Variants in ELF1 observed in about 807,000 individuals in gnomAD.
The protein encoded by ELF1 is E74 like ETS transcription factor 1.
A neutral mutation model predicts 59.9 loss-of-function variants in ELF1; 24 were observed. The observed-to-expected ratio is 0.40, with a 90% CI of 0.29 to 0.56. ELF1 has a LOEUF of 0.56. Ranked by LOEUF, ELF1 falls within the 20% of genes least tolerant of loss-of-function variation. ELF1 has a pLI of 0.44. For synonymous variants in ELF1, 248 were observed against 266.2 expected (o/e 0.93, Z 0.67); for missense variants, 627 against 742.2 (o/e 0.84, Z 1.80).
At chr13:41,049,852 T>C (rs893392242) in intron 1 of ELF1, among the ~76,000 whole-genome samples, 3 of 152,210 alleles carry the variant, frequency 2.0e-5, no homozygotes, top group Non-Finnish European at 4.4e-5. Flanking sequence ...CCCACTAAAC[T>C]GCAAGCTTCA....
chr13:40,958,027 TG>T (rs1250636100), intron 3 of ELF1, among the ~76,000 whole-genome samples: 1 of 152,270 alleles, frequency 6.6e-6, no homozygotes, highest in Non-Finnish European at 1.5e-5. Context: ...TGCCTATTTC[TG>T]ATAAACTTTC....
chr13:40,988,839 C>T (rs900049514), intron 1 of ELF1, among the ~76,000 whole-genome samples: 5 of 152,140 alleles, frequency 3.3e-5, no homozygotes, highest in Non-Finnish European at 5.9e-5. Flanking sequence ...CTTGCTCTAT[C>T]GCTTAGGCTG....
intron 1 of ELF1, among the ~76,000 whole-genome samples, chr13:40,984,084 C>T (rs932177821): frequency 2.0e-5 from 3 of 152,178 alleles, no homozygotes; most frequent in Non-Finnish European, 2.9e-5. Flanking sequence ...ACTGTGTCCC[C>T]TTAATTCAAC....
At chr13:40,987,499 T>C (rs1467004751) in intron 1 of ELF1, among the ~76,000 whole-genome samples, 3 of 148,548 alleles carry the variant, frequency 2.0e-5, no homozygotes, top group Admixed American at 6.7e-5. Flanking sequence ...GGCAGGAGAA[T>C]TGCTTGAACC....
intron 1 of ELF1, among the ~76,000 whole-genome samples, chr13:41,058,420 C>G (rs1172570531): frequency 6.6e-6 from 1 of 152,186 alleles, no homozygotes; most frequent in East Asian, 1.9e-4. Flanking sequence ...CTTCTCCAGT[C>G]CTCTCCCTTG....
intron 1 of ELF1, 124 bp downstream of exon 1, chr13:41,019,102 CCA>C (rs1875582123): frequency 1.3e-6 from 1 of 776,148 alleles, no homozygotes; most frequent in African/African-American, 1.9e-5. Context: ...ATGTGACTGA[CCA>C]CACACATTTT....
At chr13:40,981,931 T>C (rs914256333) in intron 2 of ELF1, 52 bp downstream of exon 2, 14 of 1,572,268 alleles carry the variant, frequency 8.9e-6, no homozygotes, top group Non-Finnish European at 1.2e-5. Context: ...CTGATATGAA[T>C]AGAAAAATCA....
chr13:40,960,548 G>C (rs1029484154), intron 2 of ELF1, among the ~76,000 whole-genome samples: 2 of 152,028 alleles, frequency 1.3e-5, no homozygotes, highest in African/African-American at 4.8e-5. Context: ...TCATGTCAGG[G>C]GGTCCAAAAT....
chr13:41,039,966 A>G (rs1451660540), intron 1 of ELF1, among the ~76,000 whole-genome samples: 1 of 152,228 alleles, frequency 6.6e-6, no homozygotes, highest in Non-Finnish European at 1.5e-5. Context: ...CTCAGAGCAG[A>G]AAAACAATGC....
chr13:40,984,573 T>C (rs1873455302), intron 1 of ELF1, among the ~76,000 whole-genome samples: 1 of 152,094 alleles, frequency 6.6e-6, no homozygotes, highest in Non-Finnish European at 1.5e-5. Flanking sequence ...GTTCAATAAA[T>C]AAATATCATT....
chr13:40,963,900 C>T (rs1056676944), intron 2 of ELF1, among the ~76,000 whole-genome samples: 8 of 150,654 alleles, frequency 5.3e-5, no homozygotes, highest in African/African-American at 1.9e-4. Flanking sequence ...AGCAAGACTC[C>T]GTCTCAAAAA....
At chr13:41,059,158 A>T (rs974701468) in intron 1 of ELF1, among the ~76,000 whole-genome samples, 5 of 152,270 alleles carry the variant, frequency 3.3e-5, no homozygotes, top group Admixed American at 3.3e-4. Flanking sequence ...TCTATTCAGG[A>T]ATCGCTCAAC....
chr13:41,037,795 CA>C (rs796346659), intron 1 of ELF1, among the ~76,000 whole-genome samples: 35 of 124,724 alleles, frequency 2.8e-4, no homozygotes, highest in East Asian at 9.0e-4. Context: ...GACTCCGTCT[CA>C]AAAAAAAAAA....
intron 1 of ELF1, among the ~76,000 whole-genome samples, chr13:41,031,032 G>A (rs1262202297): frequency 1.3e-5 from 2 of 151,866 alleles, no homozygotes; most frequent in Non-Finnish European, 2.9e-5. Flanking sequence ...GCATGGTGGT[G>A]CGTGCCTGGG....
rs770457576 is a variant in ELF1 at position 40,949,967 on chromosome 13, T to C, written c.368A>G (p.Asn123Ser). The part of the protein sequence containing the change: ...PMLDEKRINN[N>S]IFSSPEDDMV... ...GTCATCTTCAGGTGAACTAAATATA[T>C]TATTATCTAATGAAAATAAAATCAA... is the stretch of plus-strand genomic sequence containing the variant. Residue 123 changes from asparagine (N) to serine (S), a missense_variant, in exon 5 of 9, where the codon AAT (asparagine) becomes AGT (serine). This residue lies in a region of ELF1 where 232 missense variants were observed against 269.2 expected (regional missense o/e 0.86). Transcript: ENST00000239882. 2 of 1,607,184 alleles carry C rather than the reference T, an allele frequency of 1.2e-6. No individual in the cohort carries two copies. The highest frequency in any genetic ancestry group is 1.7e-5 in the Admixed American group (1 of 59,056).
Position 41,040,865 on chromosome 13 carries a change from G to A in ELF1, c.-229+19973C>T, listed in dbSNP as rs185449858. On this transcript the variant is annotated intron_variant, in intron 1 of 1. Transcript: ENST00000405737. ...TTTCTATGACTCATATTTGTTACTC[G>A]GTATTTAAGTAGTTACTATGAGCCA... Among the ~76,000 whole-genome samples the A allele has an allele frequency of 1.6e-3, 236 of 152,148 alleles. 2 individuals are homozygous for A. The highest frequency in any genetic ancestry group is 2.7e-3 in the Non-Finnish European group (185 of 67,990).
intron 2 of ELF1, among the ~76,000 whole-genome samples, chr13:40,980,705 T>C (rs959464423): frequency 7.9e-5 from 12 of 152,230 alleles, no homozygotes; most frequent in Admixed American, 3.3e-4. Flanking sequence ...ATATACAGCA[T>C]CTTTCATTTA....
intron 1 of ELF1, among the ~76,000 whole-genome samples, chr13:41,006,513 C>G (rs1874768958): frequency 6.6e-6 from 1 of 152,096 alleles, no homozygotes; most frequent in Admixed American, 6.6e-5. Flanking sequence ...CATCACCTAC[C>G]CAACAATCAA....
intron 2 of ELF1, among the ~76,000 whole-genome samples, chr13:40,968,969 C>T (rs938036412): frequency 6.6e-6 from 1 of 152,162 alleles, no homozygotes; most frequent in Non-Finnish European, 1.5e-5. Context: ...GTCCATCTGC[C>T]TCAGCCTCCC....
Sources: gnomAD v4.1 joint callset for allele counts (sites outside exome capture counted in the v4.1 genomes callset) on GRCh38, gnomAD v4.1.1 for gene constraint, gnomAD v4.1.1 regional missense constraint, MANE v1.5 for transcripts, NCBI Gene and HGNC (gene_info 2026-07-23, HGNC 2026-07-21) for gene names.